HGF: variants seen among roughly 807,000 people sequenced by gnomAD.
The protein encoded by HGF is hepatocyte growth factor, also known as fibroblast-derived tumor cytotoxic factor.
HGF carries 39 observed loss-of-function variants against 111.6 expected under a neutral mutation model. The ratio of observed to expected loss-of-function variants is 0.35; its 90% CI spans 0.27 to 0.46. The LOEUF is 0.46. Ranked by LOEUF, HGF falls within the 20% of genes least tolerant of loss-of-function variation. HGF has a pLI of 1.00. For missense variants in HGF, 735 were observed against 910.5 expected (o/e 0.81, Z 2.48); for synonymous variants, 285 against 294.8 (o/e 0.97, Z 0.34).
At chr7:81,763,363 T>C (rs1255775659) in intron 1 of HGF, among the ~76,000 whole-genome samples, 1 of 152,166 alleles carries the variant, frequency 6.6e-6, no homozygotes, top group African/African-American at 2.4e-5. Flanking sequence ...GACCTACTCT[T>C]TAAAGTCTTT....
chr7:81,704,026 A>G (rs1419177627), intron 17 of HGF, among the ~76,000 whole-genome samples: 1 of 151,934 alleles, frequency 6.6e-6, no homozygotes, highest in South Asian at 2.1e-4. Context: ...CTATTATACA[A>G]ACATTTGGGA....
chr7:81,756,329 G>T (rs771876140), intron 4 of HGF: 1 of 396,962 alleles, frequency 2.5e-6, no homozygotes, highest in East Asian at 4.3e-5. Context: ...GCTCAGCAAG[G>T]TACATGGTAA....
chr7:81,705,442 T>C lies in HGF; in HGVS notation c.1958A>G (p.Asn653Ser). ...AGCCCCAGCACATATTTCAGACTCA[T>C]TCAGAGTCACCTTCCCTCGATGATG... ...SQHHRGKVTL[N>S]ESEICAGAEK... The change falls in exon 17 of 18, where the codon AAT (asparagine) becomes AGT (serine). Residue 653 changes from asparagine to serine, a missense_variant. Asn to Ser is a conservative substitution (Grantham distance 46, BLOSUM62 1). Transcript: ENST00000222390. The C allele has an allele frequency of 6.2e-7, 1 of 1,612,894 alleles. No individual in the cohort carries two copies. The highest frequency in any genetic ancestry group is 8.5e-7 in the Non-Finnish European group (1 of 1,179,176).
chr7:81,743,691 T>G (rs1361644564), intron 6 of HGF, among the ~76,000 whole-genome samples: 1 of 152,164 alleles, frequency 6.6e-6, no homozygotes, highest in Non-Finnish European at 1.5e-5. Flanking sequence ...GCTAATAAGT[T>G]AGGTCTATGT....
intron 11 of HGF, among the ~76,000 whole-genome samples, chr7:81,715,319 A>G (rs1789680228): frequency 2.0e-5 from 3 of 152,106 alleles, no homozygotes; most frequent in Admixed American, 2.0e-4. Flanking sequence ...ATAGTGCTAT[A>G]AAACTGTACT....
chr7:81,723,722 T>C (rs137959865), intron 9 of HGF, among the ~76,000 whole-genome samples: 1,762 of 150,982 alleles, frequency 0.012, 36 homozygotes, highest in African/African-American at 0.041. Flanking sequence ...GAAAAATGTT[T>C]CCACTCATCT....
rs1562911487 is a variant in HGF at position 81,762,851 on chromosome 7, T to C, written c.110A>G (p.Asn37Ser). 6.4e-7 allele frequency: 1 copy of C among 1,563,238 alleles called. No homozygotes were observed. Among genetic ancestry groups the C allele is most frequent in the East Asian group, 2.2e-5 (1 of 44,516 alleles). The part of the protein sequence containing the change: ...PYAEGQRKRR[N>S]TIHEFKKSAK... ...TGATTTTTTGAATTCATGAATTGTA[T>C]TTCTTCTTTTCCTTTGTCCCTCTAT... Residue 37 changes from asparagine to serine, a missense_variant, in exon 2 of 18, where the codon AAT becomes AGT. Physicochemically the swap from Asn to Ser is conservative, Grantham distance 46. Coordinates refer to ENST00000222390, the MANE Select transcript of HGF (RefSeq NM_000601.6).
rs765831517 is a variant in HGF at position 81,706,299 on chromosome 7, A to C, written c.1745T>G (p.Met582Arg). The change falls in exon 15 of 18, where the codon ATG becomes AGG. Residue 582 changes from methionine to arginine, a missense_variant. Physicochemically the swap from Met to Arg is moderately conservative, Grantham distance 91. This residue lies in a region of HGF where 130 missense variants were observed against 129.9 expected (regional missense o/e 1.00). Coordinates refer to ENST00000222390, the MANE Select transcript of HGF (RefSeq NM_000601.6). ...YGPEGSDLVL[M>R]KLARPAVLDD... The stretch of plus-strand genomic sequence containing the variant: ...TAAAGTAACTAACCTGGCAAGCTTC[A>C]TTAAAACCAGATCTGATCCTTCAGG... 6.2e-7 allele frequency: 1 copy of C among 1,612,684 alleles called. No homozygotes were observed. The highest frequency in any genetic ancestry group is 1.1e-5 in the South Asian group (1 of 91,062).
intron 4 of HGF, 105 bp downstream of exon 4, chr7:81,757,084 G>T: frequency 1.4e-6 from 1 of 733,326 alleles, no homozygotes; most frequent in Non-Finnish European, 2.5e-6. Context: ...CAGCAAGTTG[G>T]CTAAGTTATT....
intron 9 of HGF, among the ~76,000 whole-genome samples, chr7:81,724,345 G>A (rs1789950907): frequency 6.6e-6 from 1 of 152,104 alleles, no homozygotes; most frequent in Non-Finnish European, 1.5e-5. Context: ...AAAGTTAAAG[G>A]ATAGAAGTAT....
Position 81,707,324 on chromosome 7 carries a change from A to T in HGF, c.1582T>A (p.Trp528Arg). The change falls in exon 14 of 18, where the codon TGG becomes AGG. Residue 528 changes from tryptophan to arginine, a missense_variant. Trp to Arg is a moderately radical substitution (Grantham distance 101, BLOSUM62 -3). This residue lies in a region of HGF where 553 missense variants were observed against 685.6 expected (regional missense o/e 0.81). Transcript: ENST00000222390. ...AAACACTGTCGTGCAGTAAGAACCC[A>T]ACTCTCCTTTATCAATGATCCTCCG... is the stretch of plus-strand genomic sequence containing the variant. ...ICGGSLIKES[W>R]VLTARQCFPS... 3.1e-6 allele frequency: 5 copies of T among 1,603,922 alleles called. No individual in the cohort carries two copies. Among genetic ancestry groups the T allele is most frequent in the Non-Finnish European group, 4.3e-6 (5 of 1,171,240 alleles).
At chr7:81,710,951 C>A (rs548346130) in intron 12 of HGF, among the ~76,000 whole-genome samples, 1 of 152,120 alleles carries the variant, frequency 6.6e-6, no homozygotes, top group Non-Finnish European at 1.5e-5. Flanking sequence ...CTTCCTTCAG[C>A]TCAAGAGATA....
chr7:81,751,623 G>A (rs893547835), intron 5 of HGF: 88 of 995,182 alleles, frequency 8.8e-5, no homozygotes, highest in Non-Finnish European at 1.0e-4. Flanking sequence ...TCACCAAAAT[G>A]TGCATGGGGT....
At chr7:81,752,068 T>C (rs533871548) in intron 5 of HGF, 52 bp downstream of exon 5, 2 of 1,611,500 alleles carry the variant, frequency 1.2e-6, no homozygotes, top group African/African-American at 2.7e-5. Context: ...TGAGTTACAG[T>C]TCTACACATA....
intron 1 of HGF, among the ~76,000 whole-genome samples, chr7:81,764,868 C>G (rs942853820): frequency 6.6e-6 from 1 of 151,890 alleles, no homozygotes; most frequent in African/African-American, 2.4e-5. Flanking sequence ...CCTTATTACA[C>G]TATTTCTAAG....
intron 9 of HGF, among the ~76,000 whole-genome samples, chr7:81,725,566 A>G (rs760989423): frequency 6.6e-6 from 1 of 152,136 alleles, no homozygotes. Flanking sequence ...ATGACAAACT[A>G]CTGTAATATT....
intron 7 of HGF, among the ~76,000 whole-genome samples, chr7:81,737,565 A>G (rs1787873458): frequency 6.6e-6 from 1 of 152,082 alleles, no homozygotes; most frequent in Non-Finnish European, 1.5e-5. Context: ...ATGGCACATG[A>G]TATGTGATAT....
intron 6 of HGF, among the ~76,000 whole-genome samples, chr7:81,744,118 A>C: frequency 6.6e-6 from 1 of 152,204 alleles, no homozygotes; most frequent in Non-Finnish European, 1.5e-5. Flanking sequence ...AACACCAAAC[A>C]AAAAAGAATA....
intron 1 of HGF, among the ~76,000 whole-genome samples, chr7:81,764,628 T>G (rs905119922): frequency 6.6e-6 from 1 of 152,156 alleles, no homozygotes; most frequent in Non-Finnish European, 1.5e-5. Context: ...AACATTAAAC[T>G]GTAACCATTA....
Sources: gnomAD v4.1 joint callset for allele counts (sites outside exome capture counted in the v4.1 genomes callset) on GRCh38, gnomAD v4.1.1 for gene constraint, gnomAD v4.1.1 regional missense constraint, MANE v1.5 for transcripts, NCBI Gene and HGNC (gene_info 2026-07-23, HGNC 2026-07-21) for gene names.